The following GLRA3 variants were observed in gnomAD, a reference collection of about 807,000 sequenced individuals.
GLRA3 encodes glycine receptor subunit alpha-3.
A neutral mutation model predicts 60.4 loss-of-function variants in GLRA3; 44 were observed. The ratio of observed to expected loss-of-function variants is 0.73; its 90% confidence interval spans 0.57 to 0.94. The LOEUF (loss-of-function observed/expected upper bound fraction) is 0.94, where lower values mean the gene tolerates loss of function less well. Among genes scored for constraint, GLRA3 ranks in the 40% least tolerant of loss-of-function variants. GLRA3 has a pLI of 0.00. For missense variants in GLRA3, 508 were observed against 564.6 expected (o/e 0.90, Z 1.02); for synonymous variants, 223 against 192.9 (o/e 1.16, Z -1.29).
intron 2 of GLRA3, among the ~76,000 whole-genome samples, chr4:174,770,291 G>A (rs889495278): frequency 1.3e-5 from 2 of 152,022 alleles, no homozygotes; most frequent in African/African-American, 4.8e-5. Flanking sequence ...TATGTTACTT[G>A]GTATGGCATG....
At chr4:174,669,965 G>A (rs572247402) in intron 7 of GLRA3, among the ~76,000 whole-genome samples, 11 of 152,238 alleles carry the variant, frequency 7.2e-5, no homozygotes, top group Non-Finnish European at 1.6e-4. Context: ...CAATACTTTC[G>A]TCACCAGACA....
At chr4:174,692,206 G>A (rs533998212) in intron 5 of GLRA3, among the ~76,000 whole-genome samples, 21 of 150,832 alleles carry the variant, frequency 1.4e-4, no homozygotes, top group East Asian at 1.2e-3. Flanking sequence ...CAGCCACCCC[G>A]TCCGGGAGGG....
chr4:174,734,158 T>G (rs1255644570), intron 3 of GLRA3, among the ~76,000 whole-genome samples: 1 of 152,188 alleles, frequency 6.6e-6, no homozygotes, highest in Non-Finnish European at 1.5e-5. Context: ...AATTTCAAAA[T>G]GATCAGAAAA....
rs748455260 is a variant in GLRA3, at chr4:174,788,933, T to C, written c.82A>G (p.Thr28Ala). The change falls in exon 2 of 10, where the codon ACA becomes GCA. Residue 28 changes from threonine to alanine, a missense_variant. Thr to Ala is a moderately conservative substitution (Grantham distance 58). This residue lies in a region of GLRA3 where 329 missense variants were observed against 349.3 expected (regional missense o/e 0.94). Coordinates refer to ENST00000274093, the MANE Select transcript of GLRA3 (RefSeq NM_006529.4). ...GATCTTGCACTGTCTGTTTCCTTTGTGGCAACCAAACTACAAATAAGAACA... is the reference window on the plus strand; with the variant it reads ...GATCTTGCACTGTCTGTTTCCTTTGCGGCAACCAAACTACAAATAAGAACA... Reference protein sequence around the residue: ...EAALLLSLVATKETDSARSRS... With the variant: ...EAALLLSLVAAKETDSARSRS... 1.9e-6 allele frequency: 3 copies of C among 1,586,394 alleles called. No homozygotes were observed. The highest frequency in any genetic ancestry group is 2.6e-6 in the Non-Finnish European group (3 of 1,167,526).
chr4:174,643,353 T>A lies in GLRA3; in HGVS notation c.*433A>T. ...ACTAATTATTTTCCCATTTTGTAAC[T>A]ATACTATAAGAAAATAGTTTTAAAT... On this transcript the variant is annotated 3_prime_UTR_variant, in exon 10 of 10. Transcript: ENST00000274093. 1.3e-6 allele frequency: 1 copy of A among 769,488 alleles called. No homozygotes were observed. Among genetic ancestry groups the A allele is most frequent in the Non-Finnish European group, 1.6e-6 (1 of 634,470 alleles). 47.7% of individuals were successfully genotyped at this position (769,488 alleles called of 1,614,324 possible).
At position 174,748,234 on chromosome 4, in the gene GLRA3, C is replaced by T. The variant is rs116607604; in HGVS notation, c.267+18729G>A. On this transcript the variant is annotated intron_variant, in intron 3 of 9. Transcript: ENST00000274093. ...TTGAATTAGAAAAGCCAAAGTAAGA[C>T]AGTTTTCAAGAGCATAATCAACAGT... Among the ~76,000 whole-genome samples, 795 of 152,242 alleles carry T rather than the reference C, an allele frequency of 5.2e-3. 5 individuals carry two copies. The highest frequency in any genetic ancestry group is 0.018 in the African/African-American group (754 of 41,548).
At chr4:174,737,108 T>C (rs962571826) in intron 3 of GLRA3, among the ~76,000 whole-genome samples, 3 of 152,164 alleles carry the variant, frequency 2.0e-5, no homozygotes, top group African/African-American at 7.2e-5. Context: ...AAATATCATA[T>C]GTAATTTGGG....
chr4:174,677,271 A>C lies in GLRA3; in HGVS notation c.734T>G (p.Val245Gly), dbSNP rs781100845. ...CATTTGTCGCTCCAGATGGAATCGC[A>C]CTTCTATACACGTAAACTTTCCTAA... ...YNTGKFTCIE[V>G]RFHLERQMGY... The change falls in exon 7 of 10, where the codon GTG (valine) becomes GGG (glycine). Residue 245 changes from valine (V) to glycine (G), a missense_variant. Physicochemically the swap from Val to Gly is moderately radical, Grantham distance 109. Transcript: ENST00000274093. 1 of 1,607,086 alleles carries C rather than the reference A, an allele frequency of 6.2e-7. No individual in the cohort carries two copies. The highest frequency in any genetic ancestry group is 1.1e-5 in the South Asian group (1 of 90,910).
chr4:174,744,835 A>T (rs1350527338), intron 3 of GLRA3, among the ~76,000 whole-genome samples: 1 of 152,196 alleles, frequency 6.6e-6, no homozygotes, highest in Non-Finnish European at 1.5e-5. Context: ...ATGAAAAAGG[A>T]ATTCAAAATT....
At position 174,804,398 on chromosome 4, in the gene GLRA3, A is replaced by T. The variant is rs188975086; in HGVS notation, c.72-15455T>A. ...GTGCCTTACAGATCATATTATGGACATGTATCTTCATAGCCCCATTAAGAG... is the reference window on the plus strand; with the variant it reads ...GTGCCTTACAGATCATATTATGGACTTGTATCTTCATAGCCCCATTAAGAG... On this transcript the variant is annotated intron_variant, in intron 1 of 9. Coordinates refer to ENST00000274093, the MANE Select transcript of GLRA3 (RefSeq NM_006529.4). Among the ~76,000 whole-genome samples, 3 of 152,160 alleles carry T rather than the reference A, an allele frequency of 2.0e-5. No individual in the cohort carries two copies. In the East Asian group the frequency reaches 5.8e-4, roughly 29 times the overall value.
chr4:174,748,403 T>C (rs1482942197), intron 3 of GLRA3, among the ~76,000 whole-genome samples: 1 of 152,132 alleles, frequency 6.6e-6, no homozygotes, highest in Non-Finnish European at 1.5e-5. Context: ...CCATTTAAAG[T>C]AATTTGGCTG....
At chr4:174,747,117 C>T (rs1421011476) in intron 3 of GLRA3, among the ~76,000 whole-genome samples, 3 of 152,108 alleles carry the variant, frequency 2.0e-5, no homozygotes, top group Non-Finnish European at 2.9e-5. Context: ...TGGCTTCTGC[C>T]TTTGTGGCTC....
In GLRA3 at chr4:174,759,703, A is replaced by G. The variant is rs1561100444; in HGVS notation, c.267+7260T>C. On this transcript the variant is annotated intron_variant, in intron 3 of 9. Coordinates refer to ENST00000274093, the MANE Select transcript of GLRA3 (RefSeq NM_006529.4). Reference sequence around the variant, plus strand: ...AAACTGTACTAAACAAGACAACGTGATATCAGTGCAGGCATAGACAAATAG... The same window carrying G: ...AAACTGTACTAAACAAGACAACGTGGTATCAGTGCAGGCATAGACAAATAG... Among the ~76,000 whole-genome samples the G allele has an allele frequency of 2.6e-5, 4 of 152,314 alleles. No homozygotes were observed. In the South Asian group the frequency reaches 8.3e-4, roughly 32 times the overall value.
At chr4:174,721,761 G>GTA (rs979239430) in intron 4 of GLRA3, among the ~76,000 whole-genome samples, 1 of 151,198 alleles carries the variant, frequency 6.6e-6, no homozygotes, top group African/African-American at 2.4e-5. Flanking sequence ...AAATATGTGT[G>GTA]TATATATATG....
intron 5 of GLRA3, among the ~76,000 whole-genome samples, chr4:174,710,911 A>G (rs764298653): frequency 7.2e-5 from 11 of 152,072 alleles, no homozygotes; most frequent in Non-Finnish European, 1.5e-4. Flanking sequence ...CTTTTTGAAT[A>G]GAATGCTTAG....
chr4:174,729,820 A>T (rs10001193), intron 3 of GLRA3, among the ~76,000 whole-genome samples: 21,077 of 152,164 alleles, frequency 0.14, 1,704 homozygotes, highest in South Asian at 0.21. Context: ...ACTGAAAACC[A>T]TTTTTCATCT....
intron 3 of GLRA3, among the ~76,000 whole-genome samples, chr4:174,732,775 C>CTATA (rs201631241): frequency 1.1e-4 from 16 of 147,798 alleles, no homozygotes; most frequent in South Asian, 1.1e-3. Flanking sequence ...CTCTCTCTCT[C>CTATA]TCTATATATA....
chr4:174,739,805 CAA>C (rs1055843796), intron 3 of GLRA3, among the ~76,000 whole-genome samples: 4 of 152,234 alleles, frequency 2.6e-5, no homozygotes, highest in African/African-American at 9.6e-5. Flanking sequence ...AAGGCAGAAA[CAA>C]GAGCCAACAC....
intron 9 of GLRA3, among the ~76,000 whole-genome samples, chr4:174,644,907 TATA>T (rs1732756934): frequency 6.6e-6 from 1 of 151,828 alleles, no homozygotes; most frequent in Admixed American, 6.6e-5. Flanking sequence ...TTGAGAGAAA[TATA>T]ATATTTAATA....
Sources: allele counts gnomAD v4.1 joint callset (sites outside exome capture counted in the v4.1 genomes callset), GRCh38; gene constraint gnomAD v4.1.1; regional missense constraint gnomAD v4.1.1; transcripts MANE v1.5; gene names NCBI Gene and HGNC (gene_info 2026-07-23, HGNC 2026-07-21).